The following CTNND2 variants were observed in gnomAD, a reference collection of about 807,000 sequenced individuals.
The protein encoded by CTNND2 is catenin delta 2.
Under a neutral mutation model 144.4 loss-of-function variants are expected in CTNND2, and 22 were observed. The observed-to-expected ratio is 0.15, with a 90% confidence interval of 0.11 to 0.22. The LOEUF (loss-of-function observed/expected upper bound fraction) is 0.22. Among genes scored for constraint, CTNND2 ranks in the 10% least tolerant of loss-of-function variants. CTNND2 has a pLI of 1.00. For missense variants in CTNND2, 1,353 were observed against 1,618.8 expected, an observed-to-expected ratio of 0.84 and a Z score of 2.82; for synonymous variants, 751 against 695.6, an observed-to-expected ratio of 1.08 and a Z score of -1.25.
At chr5:11,868,070 C>T (rs1334751579) in intron 1 of CTNND2, among the ~76,000 whole-genome samples, 4 of 151,916 alleles carry the variant, frequency 2.6e-5, no homozygotes, top group Non-Finnish European at 5.9e-5. Context: ...CTAGAACTAA[C>T]ACTTACCATT....
intron 16 of CTNND2, among the ~76,000 whole-genome samples, chr5:11,060,775 A>C (rs1361618183): frequency 6.6e-6 from 1 of 152,220 alleles, no homozygotes; most frequent in East Asian, 1.9e-4. Context: ...CACACAAGGA[A>C]ACATTACCTC....
chr5:11,890,784 G>A (rs559731115), intron 1 of CTNND2, among the ~76,000 whole-genome samples: 40 of 152,348 alleles, frequency 2.6e-4, no homozygotes, highest in Non-Finnish European at 4.4e-4. Context: ...CAGGGTAACT[G>A]TTAGGACAGA....
chr5:11,533,030 C>G (rs1773890546), intron 3 of CTNND2, among the ~76,000 whole-genome samples: 2 of 152,158 alleles, frequency 1.3e-5, no homozygotes, highest in African/African-American at 4.8e-5. Flanking sequence ...ACTTGAACAC[C>G]AGCCACTAGT....
chr5:11,270,942 T>C (rs754023333), intron 9 of CTNND2, among the ~76,000 whole-genome samples: 3 of 152,208 alleles, frequency 2.0e-5, no homozygotes, highest in Admixed American at 6.5e-5. Flanking sequence ...CCTTTAGCAT[T>C]TGGCAATAAA....
intron 3 of CTNND2, among the ~76,000 whole-genome samples, chr5:11,413,521 C>G (rs1371780186): frequency 6.6e-6 from 1 of 152,126 alleles, no homozygotes; most frequent in Non-Finnish European, 1.5e-5. Flanking sequence ...TGGTCATTTG[C>G]AGAAACTAGA....
intron 1 of CTNND2, among the ~76,000 whole-genome samples, chr5:11,816,281 C>T (rs1384345006): frequency 2.6e-5 from 4 of 152,102 alleles, no homozygotes; most frequent in Non-Finnish European, 5.9e-5. Flanking sequence ...CTGAACACCA[C>T]AAAAGAGAAC....
rs760190967 is a variant in CTNND2 at position 11,346,601 on chromosome 5, C to T, written c.1399G>A (p.Val467Ile). The T allele has an allele frequency of 9.0e-6, 14 of 1,548,800 alleles. No homozygotes were observed. Among genetic ancestry groups the T allele is most frequent in the South Asian group, 4.8e-5 (4 of 82,846 alleles). Residue 467 changes from valine to isoleucine, a missense_variant, in exon 9 of 22, where the codon GTC becomes ATC. Around this residue, in one of 4 missense-constraint regions of CTNND2, gnomAD observed 708 missense variants for 706.4 expected, o/e 1.00. Coordinates refer to ENST00000304623, the MANE Select transcript of CTNND2 (RefSeq NM_001332.4). ...TGGCTGCCTGTGCGCTGCAAGGGGA[C>T]GGAGTCGACACCAGGGGAAGATGGG... Reference protein sequence around the residue: ...TAPSSPGVDSVPLQRTGSQHG... With the variant: ...TAPSSPGVDSIPLQRTGSQHG...
chr5:11,117,227 T>C lies in CTNND2; in HGVS notation c.2277+223A>G, dbSNP rs2285977. Among the ~76,000 whole-genome samples, 21,690 of 152,080 alleles carry C rather than the reference T, an allele frequency of 0.14. 2,450 individuals carry two copies. Among genetic ancestry groups the C allele is most frequent in the East Asian group, 0.45 (2,314 of 5,164 alleles). Reference sequence around the variant, plus strand: ...GTGGTTTGAGTAACTTAGAACAATCTGCATATTTACTCACAGCTAATCAGA... The same window carrying C: ...GTGGTTTGAGTAACTTAGAACAATCCGCATATTTACTCACAGCTAATCAGA... On this transcript the variant is annotated intron_variant, in intron 13 of 21. Transcript: ENST00000304623.
At chr5:11,494,023 T>G (rs1769704450) in intron 3 of CTNND2, among the ~76,000 whole-genome samples, 1 of 152,166 alleles carries the variant, frequency 6.6e-6, no homozygotes, top group Non-Finnish European at 1.5e-5. Context: ...AAAAAATCTT[T>G]TTATTAAAAA....
chr5:11,093,630 T>G (rs1348569974), intron 15 of CTNND2, among the ~76,000 whole-genome samples: 1 of 152,194 alleles, frequency 6.6e-6, no homozygotes, highest in Non-Finnish European at 1.5e-5. Flanking sequence ...TATAAAAAGC[T>G]GTCTCCATGC....
At chr5:11,266,567 G>C (rs1745459312) in intron 9 of CTNND2, among the ~76,000 whole-genome samples, 1 of 152,214 alleles carries the variant, frequency 6.6e-6, no homozygotes, top group Non-Finnish European at 1.5e-5. Flanking sequence ...GCTTTCATGG[G>C]AGGGTTCGCT....
intron 1 of CTNND2, among the ~76,000 whole-genome samples, chr5:11,751,414 G>A (rs892736889): frequency 1.3e-5 from 2 of 151,770 alleles, no homozygotes; most frequent in African/African-American, 4.8e-5. Flanking sequence ...AGGTCCCAGT[G>A]TCTGTTGTTC....
rs147533443 is a variant in CTNND2 at position 11,763,075 on chromosome 5, T to C, written c.38-30803A>G. ...ACAGTGAGTTCTCATGAGACCTGGT[T>C]GTTTAAAAATGTGTAGCACTTCCTC... On this transcript the variant is annotated intron_variant, in intron 1 of 21. Transcript: ENST00000304623. Among the ~76,000 whole-genome samples the C allele has an allele frequency of 1.8e-3, 267 of 152,220 alleles. 2 individuals are homozygous for C. Among genetic ancestry groups the C allele is most frequent in the African/African-American group, 5.9e-3 (247 of 41,546 alleles).
chr5:11,311,529 C>T (rs1212851792), intron 9 of CTNND2, among the ~76,000 whole-genome samples: 1 of 145,164 alleles, frequency 6.9e-6, no homozygotes, highest in Admixed American at 6.8e-5. Context: ...CACACATACA[C>T]TCACACACAC....
At chr5:11,612,912 TAAATA>T (rs1021861547) in intron 2 of CTNND2, among the ~76,000 whole-genome samples, 1 of 152,020 alleles carries the variant, frequency 6.6e-6, no homozygotes, top group Non-Finnish European at 1.5e-5. Flanking sequence ...TATAAATAAA[TAAATA>T]AAATAAAATA....
chr5:11,525,233 C>T (rs1231368969), intron 3 of CTNND2, among the ~76,000 whole-genome samples: 1 of 152,114 alleles, frequency 6.6e-6, no homozygotes, highest in African/African-American at 2.4e-5. Context: ...TAGCCCAACT[C>T]ACAGCACTTA....
chr5:11,525,902 GT>G (rs551324719), intron 3 of CTNND2, among the ~76,000 whole-genome samples: 2 of 152,088 alleles, frequency 1.3e-5, no homozygotes, highest in African/African-American at 4.8e-5. Flanking sequence ...TATCTTACTT[GT>G]TTTTTTGTTT....
intron 14 of CTNND2, among the ~76,000 whole-genome samples, chr5:11,108,450 CAA>C (rs1182985453): frequency 6.6e-6 from 1 of 152,134 alleles, no homozygotes; most frequent in African/African-American, 2.4e-5. Flanking sequence ...TACAACTTAA[CAA>C]AGAGGTGAAA....
intron 3 of CTNND2, among the ~76,000 whole-genome samples, chr5:11,423,181 T>G (rs1423491): frequency 6.6e-6 from 1 of 152,220 alleles, no homozygotes; most frequent in African/African-American, 2.4e-5. Flanking sequence ...TTGAAGTACT[T>G]TCCAAACCAT....
Sources: allele counts gnomAD v4.1 joint callset (sites outside exome capture counted in the v4.1 genomes callset), GRCh38; gene constraint gnomAD v4.1.1; regional missense constraint gnomAD v4.1.1; transcripts MANE v1.5; gene names NCBI Gene and HGNC (gene_info 2026-07-23, HGNC 2026-07-21).